GDAP1L1: variants seen among roughly 807,000 people sequenced by gnomAD.
The protein encoded by GDAP1L1 is ganglioside-induced differentiation-associated protein 1-like 1.
A neutral mutation model predicts 37.1 loss-of-function variants in GDAP1L1; 21 were observed. That is an observed-to-expected ratio of 0.57 (90% CI 0.40 to 0.81). The LOEUF (loss-of-function observed/expected upper bound fraction) is 0.81, where lower values mean the gene tolerates loss of function less well. Among genes scored for constraint, GDAP1L1 ranks in the 40% least tolerant of loss-of-function variants. The probability of loss-of-function intolerance (pLI) is 0.00; values close to 1 mark genes in which losing one functional copy is unlikely to be tolerated. For missense variants in GDAP1L1, 362 were observed against 491.6 expected (o/e 0.74, Z 2.49); for synonymous variants, 193 against 209.1 (o/e 0.92, Z 0.67).
intron 3 of GDAP1L1, among the ~76,000 whole-genome samples, chr20:44,260,285 C>CAAAAAA (rs113753379): frequency 9.1e-6 from 1 of 110,186 alleles, no homozygotes; most frequent in African/African-American, 3.1e-5. Flanking sequence ...AAGTGAAGGG[C>CAAAAAA]AAAAAAAAAA....
At chr20:44,270,387 G>C (rs2062501725) in intron 5 of GDAP1L1, among the ~76,000 whole-genome samples, 1 of 151,890 alleles carries the variant, frequency 6.6e-6, no homozygotes, top group Non-Finnish European at 1.5e-5. Context: ...AGCCGGGATG[G>C]TCTCGATCTC....
chr20:44,258,255 A>C (rs2073601381), intron 2 of GDAP1L1, 179 bp from the exon 3 acceptor site: 1 of 731,440 alleles, frequency 1.4e-6, no homozygotes, highest in Non-Finnish European at 2.5e-6. Context: ...GGCAGAGCCC[A>C]GTGAGGAGAG....
intron 5 of GDAP1L1, chr20:44,265,010 C>G (rs1174153675): frequency 5.1e-6 from 5 of 985,252 alleles, no homozygotes; most frequent in Non-Finnish European, 6.0e-6. Context: ...ATACCACAAG[C>G]ACAAGACCTT....
chr20:44,257,287 C>T lies in GDAP1L1; in HGVS notation c.315C>T (p.Asp105=), dbSNP rs540471497. 4 of 1,614,058 alleles carry T rather than the reference C, an allele frequency of 2.5e-6. No individual in the cohort carries two copies. Among genetic ancestry groups the T allele is most frequent in the Non-Finnish European group, 1.7e-6 (2 of 1,179,988 alleles). The part of the protein sequence containing the change: ...GEEVPVIIHR[D]NIISDYDQII... Reference sequence around the variant, plus strand: ...AGGTGCCCGTCATCATCCACCGCGACAACATCATCAGTGACTATGACCAGA... The same window carrying T: ...AGGTGCCCGTCATCATCCACCGCGATAACATCATCAGTGACTATGACCAGA... Residue 105 remains aspartate (D), a synonymous_variant, in exon 2 of 6, where the codon GAC becomes GAT. Transcript: ENST00000342560.
At chr20:44,273,347 G>T (rs2062540169) in intron 5 of GDAP1L1, among the ~76,000 whole-genome samples, 2 of 152,142 alleles carry the variant, frequency 1.3e-5, no homozygotes, top group Admixed American at 1.3e-4. Flanking sequence ...ATGTTGCCCA[G>T]TATCTAAACC....
intron 5 of GDAP1L1, among the ~76,000 whole-genome samples, chr20:44,268,053 G>A (rs6017307): frequency 6.6e-6 from 1 of 152,054 alleles, no homozygotes; most frequent in African/African-American, 2.4e-5. Flanking sequence ...ACATGGCCTC[G>A]GTTGCTCATC....
chr20:44,273,476 C>T lies in GDAP1L1; in HGVS notation c.761-5481C>T, dbSNP rs190765024. ...CACTGTCCGTCACTCCCATCACAAT[C>T]GCACCTCCCTCCGTACCTAGTGGTG... is the stretch of plus-strand genomic sequence containing the variant. On this transcript the variant is annotated intron_variant, in intron 5 of 5. Coordinates refer to ENST00000342560, the MANE Select transcript of GDAP1L1 (RefSeq NM_024034.6). 2.7e-4 allele frequency among the ~76,000 whole-genome samples: 41 copies of T among 152,302 alleles called. 1 individual carries two copies. The highest frequency in any genetic ancestry group is 9.4e-4 in the African/African-American group (39 of 41,572).
At position 44,247,624 on chromosome 20, in the gene GDAP1L1, G is replaced by C. The variant is rs1600520464; in HGVS notation, c.180+110G>C. On this transcript the variant is annotated intron_variant, in intron 1 of 5. Coordinates refer to ENST00000342560, the MANE Select transcript of GDAP1L1 (RefSeq NM_024034.6). ...CGAAAGACTGGAGGGGGGAACCTGGGGTTTGGGGGTCCCGGAGGTCGGGGG... is the reference window on the plus strand; with the variant it reads ...CGAAAGACTGGAGGGGGGAACCTGGCGTTTGGGGGTCCCGGAGGTCGGGGG... The C allele has an allele frequency of 2.8e-6, 3 of 1,054,870 alleles. No individual in the cohort carries two copies. The Admixed American group carries it at 9.1e-5, about 32-fold the overall frequency. The allele number at this position is 1,054,870 out of a possible 1,614,324, so 65.3% of individuals were successfully genotyped here.
intron 5 of GDAP1L1, among the ~76,000 whole-genome samples, chr20:44,270,413 A>G (rs943197445): frequency 6.6e-6 from 1 of 151,678 alleles, no homozygotes; most frequent in African/African-American, 2.4e-5. Context: ...CTCGTGATCC[A>G]CCCGCCTCGG....
Position 44,269,684 on chromosome 20 carries a change from C to A in GDAP1L1, c.760+5125C>A, listed in dbSNP as rs550875099. Among the ~76,000 whole-genome samples, 4 of 151,736 alleles carry A rather than the reference C, an allele frequency of 2.6e-5. No individual in the cohort carries two copies. In the South Asian group the frequency reaches 8.3e-4, roughly 31 times the overall value. ...CAGTGGCTCACACCTGTAATCCCAG[C>A]ACTTTGGGAGGCCAAGACAGGTGAA... On this transcript the variant is annotated intron_variant, in intron 5 of 5. Coordinates refer to ENST00000342560, the MANE Select transcript of GDAP1L1 (RefSeq NM_024034.6).
At chr20:44,267,837 G>A (rs1197123120) in intron 5 of GDAP1L1, among the ~76,000 whole-genome samples, 2 of 152,156 alleles carry the variant, frequency 1.3e-5, no homozygotes, top group East Asian at 3.8e-4. Context: ...CATTCCTTGT[G>A]GGATTCCTAG....
Position 44,264,456 on chromosome 20 carries a change from G to A in GDAP1L1, c.657G>A (p.Leu219=), listed in dbSNP as rs763147072. 6.6e-7 allele frequency: 1 copy of A among 1,506,416 alleles called. No individual in the cohort carries two copies. The highest frequency in any genetic ancestry group is 8.9e-7 in the Non-Finnish European group (1 of 1,127,364). 93.3% of individuals were successfully genotyped at this position (1,506,416 alleles called of 1,614,324 possible). Residue 219 remains leucine (L), a synonymous_variant, in exon 5 of 6, where the codon TTG becomes TTA. Transcript: ENST00000342560. The part of the protein sequence containing the change: ...SKQKKLMAKI[L]EHDDVSYLKK... ...TGTCCTGCCCCCAGGCCAAGATCTT[G>A]GAGCATGATGATGTGAGCTACCTGA...
At chr20:44,267,721 G>A (rs1423750638) in intron 5 of GDAP1L1, among the ~76,000 whole-genome samples, 2 of 152,100 alleles carry the variant, frequency 1.3e-5, no homozygotes, top group Admixed American at 6.6e-5. Flanking sequence ...CACAGTGCCC[G>A]GCACACAGTA....
At chr20:44,254,137 G>A (rs1018183202) in intron 1 of GDAP1L1, among the ~76,000 whole-genome samples, 1 of 152,232 alleles carries the variant, frequency 6.6e-6, no homozygotes, top group Non-Finnish European at 1.5e-5. Context: ...CAGGGCACAG[G>A]CCGCCCATGA....
Position 44,258,624 on chromosome 20 carries a change from C to A in GDAP1L1, c.547+17C>A. The A allele has an allele frequency of 6.4e-7, 1 of 1,566,586 alleles. No homozygotes were observed. Among genetic ancestry groups the A allele is most frequent in the Non-Finnish European group, 8.7e-7 (1 of 1,149,330 alleles). ...AGATCCGCAGTGAGTGCCAGGGCGG[C>A]GAGACAGCCCCTCTGCTTTCCCCCT... On this transcript the variant is annotated intron_variant, in intron 3 of 5. Transcript: ENST00000342560.
chr20:44,259,314 G>A (rs1449858531), intron 3 of GDAP1L1, among the ~76,000 whole-genome samples: 1 of 152,042 alleles, frequency 6.6e-6, no homozygotes, highest in Admixed American at 6.6e-5. Flanking sequence ...AAACACCATG[G>A]GGTCCTACAG....
rs773363915 is a variant in GDAP1L1, at chr20:44,279,535, G to GAA, written c.*240_*241dup. On this transcript the variant is annotated 3_prime_UTR_variant, in exon 6 of 6. Coordinates refer to ENST00000342560, the MANE Select transcript of GDAP1L1 (RefSeq NM_024034.6). ...AGAGAGAGGAAGCGAGAGAGAGAGAGAAAAAACAAAAAACAGAAAACACGA... is the reference window on the plus strand; with the variant it reads ...AGAGAGAGGAAGCGAGAGAGAGAGAGAAAAAAAACAAAAAACAGAAAACACGA... The GAA allele has an allele frequency of 2.5e-5, 17 of 676,142 alleles. No homozygotes were observed. Among genetic ancestry groups the GAA allele is most frequent in the Admixed American group, 8.2e-5 (4 of 48,690 alleles). The allele number at this position is 676,142 out of a possible 1,614,324, so 41.9% of individuals were successfully genotyped here.
chr20:44,276,452 G>GAAAGAAAGAAAGAAAGAA (rs2062581525), intron 5 of GDAP1L1, among the ~76,000 whole-genome samples: 1 of 149,630 alleles, frequency 6.7e-6, no homozygotes, highest in Non-Finnish European at 1.5e-5. Flanking sequence ...AAGAAAGAAA[G>GAAAGAAAGAAAGAAAGAA]AAAGAAAGAA....
intron 5 of GDAP1L1, among the ~76,000 whole-genome samples, chr20:44,266,819 C>T (rs917961431): frequency 1.4e-4 from 21 of 152,136 alleles, no homozygotes; most frequent in African/African-American, 4.6e-4. Context: ...TTTAAAAGCC[C>T]TGTTTCCAAA....
Sources: gnomAD v4.1 joint callset for allele counts (sites outside exome capture counted in the v4.1 genomes callset) on GRCh38, gnomAD v4.1.1 for gene constraint, MANE v1.5 for transcripts, NCBI Gene and HGNC (gene_info 2026-07-23, HGNC 2026-07-21) for gene names.